The following ZNF589 variants were observed in gnomAD, a reference collection of about 807,000 sequenced individuals.
ZNF589 encodes the protein zinc finger protein 589.
In ZNF589, 17 loss-of-function variants were observed where a neutral mutation model predicts 13.6. The ratio of observed to expected loss-of-function variants is 1.25; its 90% CI spans 0.86 to 1.88. ZNF589 has a LOEUF of 1.88. Ranked by LOEUF, ZNF589 falls within the 40% of genes most tolerant of loss-of-function variation. The pLI is 0.00. For synonymous variants in ZNF589, 148 were observed against 161.6 expected, an observed-to-expected ratio of 0.92 and a Z score of 0.64; for missense variants, 407 against 434.0, an observed-to-expected ratio of 0.94 and a Z score of 0.55.
intron 3 of ZNF589, among the ~76,000 whole-genome samples, chr3:48,266,280 C>G (rs970346233): frequency 6.6e-6 from 1 of 152,174 alleles, no homozygotes; most frequent in Non-Finnish European, 1.5e-5. Flanking sequence ...CAGGAGTGTT[C>G]CAGGCTTTGA....
intron 1 of ZNF589, among the ~76,000 whole-genome samples, chr3:48,246,738 G>A (rs1379070318): frequency 6.6e-6 from 1 of 151,756 alleles, no homozygotes; most frequent in Non-Finnish European, 1.5e-5. Context: ...GTGCGATCTC[G>A]GCACACTGCA....
intron 2 of ZNF589, among the ~76,000 whole-genome samples, chr3:48,253,337 G>T (rs1220607313): frequency 1.3e-5 from 2 of 151,818 alleles, no homozygotes; most frequent in African/African-American, 4.8e-5. Flanking sequence ...GGCCATCACC[G>T]TTAGTATTAA....
In ZNF589 at chr3:48,268,995, G is replaced by A. The variant is rs985575792; in HGVS notation, c.*209G>A. 1.7e-5 allele frequency: 13 copies of A among 759,314 alleles called. No homozygotes were observed. The highest frequency in any genetic ancestry group is 7.0e-5 in the African/African-American group (4 of 57,222). The allele number at this position is 759,314 out of a possible 1,614,324, so 47.0% of individuals were successfully genotyped here. A position where few individuals can be genotyped will look rare whatever the true frequency, so the allele number is the denominator to read the frequency against. On this transcript the variant is annotated 3_prime_UTR_variant, in exon 4 of 4. Coordinates refer to ENST00000354698, the MANE Select transcript of ZNF589 (RefSeq NM_016089.3). ...CAGAAGTCGTCGCTCAAATCACATC[G>A]GAGAACACACTCAGGGGAGAAGCCT...
rs1169636477 is a variant in ZNF589, at chr3:48,269,354, C to T, written c.*568C>T. 7 of 1,017,712 alleles carry T rather than the reference C, an allele frequency of 6.9e-6. No individual in the cohort carries two copies. In the South Asian group the frequency reaches 9.1e-5, roughly 13 times the overall value. The allele number at this position is 1,017,712 out of a possible 1,614,324, so 63.0% of individuals were successfully genotyped here. On this transcript the variant is annotated 3_prime_UTR_variant, in exon 4 of 4. Coordinates refer to ENST00000354698, the MANE Select transcript of ZNF589 (RefSeq NM_016089.3). ...CCGGAGTACACACTCCAAGGAAAAA[C>T]CTTATGTGTGCAGCCAGTGTGGGCG...
intron 2 of ZNF589, among the ~76,000 whole-genome samples, chr3:48,254,799 A>G (rs2033879781): frequency 1.3e-5 from 2 of 152,036 alleles, no homozygotes; most frequent in Admixed American, 1.3e-4. Flanking sequence ...GTTGACATAT[A>G]GGAAAGCAGA....
intron 2 of ZNF589, among the ~76,000 whole-genome samples, chr3:48,250,963 C>T (rs2106835490): frequency 6.6e-6 from 1 of 152,208 alleles, no homozygotes; most frequent in East Asian, 1.9e-4. Context: ...GTTGGCCAGG[C>T]TGGTCTCAAG....
chr3:48,263,835 G>A (rs2033993431), intron 3 of ZNF589, among the ~76,000 whole-genome samples: 1 of 152,176 alleles, frequency 6.6e-6, no homozygotes, highest in Admixed American at 6.5e-5. Flanking sequence ...TAAGTGAGAT[G>A]TTACAAAATA....
chr3:48,245,959 A>AC (rs745908589), intron 1 of ZNF589, among the ~76,000 whole-genome samples: 65 of 151,444 alleles, frequency 4.3e-4, no homozygotes, highest in Admixed American at 3.3e-4. Context: ...AAAAAAAAAA[A>AC]CAGATATGGC....
intron 2 of ZNF589, among the ~76,000 whole-genome samples, chr3:48,250,714 C>T (rs894522697): frequency 1.3e-5 from 2 of 152,078 alleles, no homozygotes; most frequent in Admixed American, 6.6e-5. Flanking sequence ...TCAGGTGATC[C>T]GCCCTCCTCG....
chr3:48,249,003 A>G (rs1285710663), intron 2 of ZNF589, among the ~76,000 whole-genome samples: 3 of 152,152 alleles, frequency 2.0e-5, no homozygotes, highest in African/African-American at 7.2e-5. Flanking sequence ...CTTGATTGAT[A>G]CAGATGAGGG....
chr3:48,268,935 C>G lies in ZNF589; in HGVS notation c.*149C>G. The G allele has an allele frequency of 8.5e-7, 1 of 1,173,472 alleles. No individual in the cohort carries two copies. Among genetic ancestry groups the G allele is most frequent in the Non-Finnish European group, 1.2e-6 (1 of 828,144 alleles). The allele number at this position is 1,173,472 out of a possible 1,614,324, so 72.7% of individuals were successfully genotyped here. A position where few individuals can be genotyped will look rare whatever the true frequency, so the allele number is the denominator to read the frequency against. On this transcript the variant is annotated 3_prime_UTR_variant, in exon 4 of 4. Transcript: ENST00000354698. ...CAGTGGACACATTCAGAGGTGAAAC[C>G]TCACGTGTGTGAGGAGTGTGGGCAT...
rs2034049299 is a variant in ZNF589 at position 48,268,547 on chromosome 3, A to G, written c.856A>G (p.Ile286Val). ...CTGCGGAGAGTGTGGGCGAGGCTTTATAGTTGAGTCAGTCCTCCGCAACCA... is the reference window on the plus strand; with the variant it reads ...CTGCGGAGAGTGTGGGCGAGGCTTTGTAGTTGAGTCAGTCCTCCGCAACCA... ...YVCGECGRGFIVESVLRNHLS... is the reference protein window; with the variant it reads ...YVCGECGRGFVVESVLRNHLS... Residue 286 changes from isoleucine to valine, a missense_variant, in exon 4 of 4, where the codon ATA (isoleucine) becomes GTA (valine). Physicochemically the swap from Ile to Val is conservative, Grantham distance 29. Coordinates refer to ENST00000354698, the MANE Select transcript of ZNF589 (RefSeq NM_016089.3). 1.2e-6 allele frequency: 2 copies of G among 1,607,886 alleles called. No homozygotes were observed. Among genetic ancestry groups the G allele is most frequent in the Non-Finnish European group, 1.7e-6 (2 of 1,178,252 alleles).
intron 1 of ZNF589, among the ~76,000 whole-genome samples, chr3:48,246,673 CT>C (rs936852273): frequency 3.3e-5 from 5 of 149,260 alleles, no homozygotes; most frequent in African/African-American, 7.4e-5. Flanking sequence ...TTAACATTTT[CT>C]TTTTTTTTTC....
At chr3:48,267,048 G>A (rs1464789762) in intron 3 of ZNF589, among the ~76,000 whole-genome samples, 1 of 152,118 alleles carries the variant, frequency 6.6e-6, no homozygotes, top group African/African-American at 2.4e-5. Flanking sequence ...ATGTGCATAG[G>A]AAGCCTTCAT....
chr3:48,253,307 A>C (rs1300908065), intron 2 of ZNF589, among the ~76,000 whole-genome samples: 1 of 152,232 alleles, frequency 6.6e-6, no homozygotes, highest in African/African-American at 2.4e-5. Flanking sequence ...CTTGGACTAC[A>C]GGTGTGGGCC....
At chr3:48,267,002 C>G (rs1307320739) in intron 3 of ZNF589, among the ~76,000 whole-genome samples, 1 of 152,070 alleles carries the variant, frequency 6.6e-6, no homozygotes, top group African/African-American at 2.4e-5. Flanking sequence ...CTCGATGTCC[C>G]CCAATGTAGA....
At chr3:48,243,399 A>G (rs1196021965) in intron 1 of ZNF589, among the ~76,000 whole-genome samples, 1 of 152,110 alleles carries the variant, frequency 6.6e-6, no homozygotes, top group Non-Finnish European at 1.5e-5. Flanking sequence ...TTCAGCATGT[A>G]GCTGTTTGTC....
intron 2 of ZNF589, among the ~76,000 whole-genome samples, chr3:48,250,473 C>T (rs1026179058): frequency 6.6e-6 from 1 of 150,656 alleles, no homozygotes; most frequent in Non-Finnish European, 1.5e-5. Flanking sequence ...TCTTTGAGAA[C>T]AACTTTTTTT....
intron 2 of ZNF589, among the ~76,000 whole-genome samples, chr3:48,253,945 G>T (rs2033868663): frequency 6.6e-6 from 1 of 152,164 alleles, no homozygotes; most frequent in Non-Finnish European, 1.5e-5. Context: ...TAAGAAATTT[G>T]CTGGGATTGG....
Sources: gnomAD v4.1 joint callset for allele counts (sites outside exome capture counted in the v4.1 genomes callset) on GRCh38, gnomAD v4.1.1 for gene constraint, MANE v1.5 for transcripts, NCBI Gene and HGNC (gene_info 2026-07-23, HGNC 2026-07-21) for gene names.